The following DAB1 variants were observed in gnomAD, a reference collection of about 807,000 sequenced individuals.
The protein encoded by DAB1 is disabled homolog 1.
Under a neutral mutation model 64.6 loss-of-function variants are expected in DAB1, and 15 were observed. The ratio of observed to expected loss-of-function variants is 0.23; its 90% CI spans 0.16 to 0.36. The LOEUF (loss-of-function observed/expected upper bound fraction) is 0.36, where lower values mean the gene tolerates loss of function less well. DAB1 is among the 10% of genes least tolerant of loss of function. The pLI, the probability that DAB1 is intolerant of heterozygous loss-of-function variation, is 1.00. For synonymous variants in DAB1, 235 were observed against 251.9 expected (o/e 0.93, Z 0.64); for missense variants, 596 against 706.7 (o/e 0.84, Z 1.78).
chr1:58,303,866 AT>A (rs1210254938), intron 4 of DAB1, among the ~76,000 whole-genome samples: 1 of 152,020 alleles, frequency 6.6e-6, no homozygotes, highest in African/African-American at 2.4e-5. Flanking sequence ...TACCCCCCTA[AT>A]TTATTTGCTT....
intron 5 of DAB1, among the ~76,000 whole-genome samples, chr1:58,039,391 G>C (rs1429688530): frequency 6.6e-6 from 1 of 152,044 alleles, no homozygotes; most frequent in African/African-American, 2.4e-5. Context: ...TCTTGATCAG[G>C]GTCCTGCCTT....
intron 5 of DAB1, among the ~76,000 whole-genome samples, chr1:58,029,909 C>T (rs1646946879): frequency 6.6e-6 from 1 of 151,936 alleles, no homozygotes; most frequent in African/African-American, 2.4e-5. Context: ...ACACAGGATA[C>T]AAAAAGTATG....
Position 57,302,496 on chromosome 1 carries a change from G to A in DAB1, c.-136-11330C>T, listed in dbSNP as rs536827435. On this transcript the variant is annotated intron_variant, in intron 1 of 14. Transcript: ENST00000371236. The stretch of plus-strand genomic sequence containing the variant: ...TCTACTTACAAGTAAGAGCACGGTG[G>A]GCAGCTCCCGAATGGGAGCTACAGC... Among the ~76,000 whole-genome samples the A allele has an allele frequency of 2.0e-5, 3 of 152,170 alleles. No homozygotes were observed. In the East Asian group the frequency reaches 5.8e-4, roughly 29 times the overall value.
chr1:57,633,099 C>T (rs1391875007), intron 7 of DAB1, among the ~76,000 whole-genome samples: 3 of 152,118 alleles, frequency 2.0e-5, no homozygotes, highest in African/African-American at 4.8e-5. Context: ...AGCTATGTAC[C>T]AAATATGTCA....
chr1:58,270,301 T>C (rs1230721484), intron 4 of DAB1, among the ~76,000 whole-genome samples: 5 of 148,320 alleles, frequency 3.4e-5, no homozygotes, highest in Admixed American at 1.4e-4. Flanking sequence ...CATTGCTTGT[T>C]TTTCTCGGTT....
intron 4 of DAB1, among the ~76,000 whole-genome samples, chr1:57,099,380 A>G (rs1654460537): frequency 6.6e-6 from 1 of 152,234 alleles, no homozygotes; most frequent in South Asian, 2.1e-4. Context: ...AGCTGCTGTT[A>G]TTAGTAGTAA....
intron 7 of DAB1, among the ~76,000 whole-genome samples, chr1:57,501,630 G>C (rs1165133943): frequency 1.3e-5 from 2 of 152,188 alleles, no homozygotes; most frequent in Non-Finnish European, 2.9e-5. Flanking sequence ...CATTTGAAGA[G>C]AGTTTTTGGT....
At chr1:57,694,740 A>G (rs2101718865) in intron 6 of DAB1, among the ~76,000 whole-genome samples, 1 of 152,260 alleles carries the variant, frequency 6.6e-6, no homozygotes. Context: ...AGTATCAGAA[A>G]GGTGTAATAA....
intron 4 of DAB1, among the ~76,000 whole-genome samples, chr1:58,184,172 C>G (rs1656949374): frequency 6.6e-6 from 1 of 151,860 alleles, no homozygotes; most frequent in African/African-American, 2.4e-5. Flanking sequence ...GAAAGTCTTT[C>G]TTATTCTGTA....
intron 2 of DAB1, among the ~76,000 whole-genome samples, chr1:58,516,766 T>C (rs1054962458): frequency 6.6e-6 from 1 of 152,136 alleles, no homozygotes. Flanking sequence ...TCAGAAATAG[T>C]TCCCAGTAAC....
At chr1:57,348,813 T>C (rs1023555598) in intron 1 of DAB1, among the ~76,000 whole-genome samples, 3 of 152,094 alleles carry the variant, frequency 2.0e-5, no homozygotes, top group African/African-American at 7.2e-5. Context: ...TGTCTAGCCC[T>C]CTACACGTGG....
chr1:58,450,416 C>T (rs540438631), intron 3 of DAB1, among the ~76,000 whole-genome samples: 4 of 152,266 alleles, frequency 2.6e-5, no homozygotes, highest in East Asian at 1.9e-4. Context: ...TTCTTTCCCC[C>T]CAATGTGTGG....
intron 5 of DAB1, among the ~76,000 whole-genome samples, chr1:57,951,317 CATAT>C (rs150140800): frequency 0.031 from 2,166 of 69,868 alleles, 471 homozygotes; most frequent in Non-Finnish European, 0.064. Context: ...GAGCCTGATT[CATAT>C]ATATATATAT....
chr1:58,259,078 A>G (rs1660995289), intron 4 of DAB1, among the ~76,000 whole-genome samples: 1 of 152,236 alleles, frequency 6.6e-6, no homozygotes, highest in Non-Finnish European at 1.5e-5. Flanking sequence ...GGATTGTAAA[A>G]TTAAATAAGG....
At chr1:58,170,021 T>C (rs555663766) in intron 4 of DAB1, among the ~76,000 whole-genome samples, 1 of 152,308 alleles carries the variant, frequency 6.6e-6, no homozygotes. Context: ...ATGCTATTAT[T>C]AGATCAAACC....
rs191895510 is a variant in DAB1, at chr1:57,129,388, C to T, written c.306+7155G>A. ...CAACAAGACACTAACCACACAGAGA[C>T]CCAATTTTTCCCCTTAAAGGTTCTA... is the stretch of plus-strand genomic sequence containing the variant. On this transcript the variant is annotated intron_variant, in intron 4 of 14. Transcript: ENST00000371236. Among the ~76,000 whole-genome samples the T allele has an allele frequency of 3.9e-5, 6 of 152,084 alleles. No homozygotes were observed. The South Asian group carries it at 8.3e-4, about 21-fold the overall frequency.
intron 5 of DAB1, among the ~76,000 whole-genome samples, chr1:58,138,594 T>C (rs1654084896): frequency 6.6e-6 from 1 of 152,170 alleles, no homozygotes; most frequent in South Asian, 2.1e-4. Context: ...AGAAGTGGGT[T>C]GGGGGATTGT....
chr1:58,074,451 TG>T (rs1289936098), intron 5 of DAB1: 1 of 138,844 alleles, frequency 7.2e-6, no homozygotes, highest in African/African-American at 2.8e-5. Context: ...TTCTACTAGT[TG>T]GTAAAAAAAA....
intron 5 of DAB1, among the ~76,000 whole-genome samples, chr1:58,061,008 G>A (rs1224909824): frequency 6.6e-6 from 1 of 152,174 alleles, no homozygotes; most frequent in Admixed American, 6.5e-5. Flanking sequence ...GAAGAGCCTG[G>A]GTCCTCAGGG....
Sources: allele counts gnomAD v4.1 joint callset (sites outside exome capture counted in the v4.1 genomes callset), GRCh38; gene constraint gnomAD v4.1.1; transcripts MANE v1.5; gene names NCBI Gene and HGNC (gene_info 2026-07-23, HGNC 2026-07-21).